The following CELSR3 variants were observed in gnomAD, a reference collection of about 807,000 sequenced individuals.
CELSR3 encodes the protein EGF-like protein 1.
Under a neutral mutation model 270.0 loss-of-function variants are expected in CELSR3, and 73 were observed. The observed-to-expected ratio is 0.27, with a 90% CI of 0.22 to 0.33. The LOEUF (loss-of-function observed/expected upper bound fraction) is 0.33, where lower values mean the gene tolerates loss of function less well. Ranked by LOEUF, CELSR3 falls within the 10% of genes least tolerant of loss-of-function variation. The pLI is 1.00. For synonymous variants in CELSR3, 1,780 were observed against 1,905.4 expected, an observed-to-expected ratio of 0.93 and a Z score of 1.71; for missense variants, 3,614 against 4,533.8, an observed-to-expected ratio of 0.80 and a Z score of 5.83.
At chr3:48,648,114 G>C (rs2047103916) in intron 19 of CELSR3, 118 bp from the exon 20 acceptor site, 6 of 1,454,838 alleles carry the variant, frequency 4.1e-6, no homozygotes, top group Non-Finnish European at 4.7e-6. Flanking sequence ...TGTGCTACCA[G>C]CTCGGAGCCT....
In CELSR3 at chr3:48,650,274, C is replaced by G. The variant is rs540312583; in HGVS notation, c.6472+206G>C. ...CACCTGAGCAAACACGTACCCCTTA[C>G]CTGCACCCCGCAATCCTGCCCAGAA... On this transcript the variant is annotated intron_variant, in intron 16 of 34. Transcript: ENST00000164024. The surrounding 1 kb of genome is among the most constrained non-coding windows in gnomAD (Gnocchi z 5.1). 2 of 677,372 alleles carry G rather than the reference C, an allele frequency of 3.0e-6. No individual in the cohort carries two copies. Among genetic ancestry groups the G allele is most frequent in the South Asian group, 3.0e-5 (2 of 66,536 alleles). The allele number at this position is 677,372 out of a possible 1,614,324, so 42.0% of individuals were successfully genotyped here.
rs1164778438 is a variant in CELSR3, at chr3:48,644,952, G to A, written c.7972+83C>T. 1.5e-5 allele frequency: 23 copies of A among 1,535,920 alleles called. No homozygotes were observed. The East Asian group carries it at 5.2e-4, about 35-fold the overall frequency. On this transcript the variant is annotated intron_variant, in intron 25 of 34. Transcript: ENST00000164024. This position sits in a 1 kb window ranked among gnomAD's most constrained non-coding sequence, Gnocchi z 4.8. ...CATGAATAGATGGCTTGGGGTTTGA[G>A]GTTGGGGGTCATGAGCAGGAGTGGG...
chr3:48,639,966 C>T lies in CELSR3; in HGVS notation c.9619G>A (p.Val3207Met), dbSNP rs1268238348. Residue 3207 changes from valine (V) to methionine (M), a missense_variant, in exon 34 of 35, where the codon GTG (valine) becomes ATG (methionine). By Grantham distance (21) the Val-to-Met change is conservative. Around this residue, in one of 7 missense-constraint regions of CELSR3, gnomAD observed 1,240 missense variants for 1,351.7 expected, o/e 0.92. Transcript: ENST00000164024. This position sits in a 1 kb window ranked among gnomAD's most constrained non-coding sequence, Gnocchi z 4.1. ...SSNSREQLDQ[V>M]PSRHPSREAL... The stretch of plus-strand genomic sequence containing the variant: ...TCTCGTGAGGGGTGCCGGCTAGGCA[C>T]CTGGTCCAGCTGCTCCCGAGAGTTC... 7 of 1,612,722 alleles carry T rather than the reference C, an allele frequency of 4.3e-6. No homozygotes were observed. Among genetic ancestry groups the T allele is most frequent in the African/African-American group, 1.3e-5 (1 of 74,936 alleles).
rs752264010 is a variant in CELSR3 at position 48,655,800 on chromosome 3, G to A, written c.4677C>T (p.Asn1559=). 1.9e-5 allele frequency: 30 copies of A among 1,562,770 alleles called. No homozygotes were observed. In the East Asian group the frequency reaches 4.6e-4, roughly 24 times the overall value. ...CCAGGGCCAGGAAGTCGTGCTTCTC[G>A]TTCAGGCGCCCGTTGTAGAAGAGCA... ...SGLLFYNGRL[N]EKHDFLALEL... Residue 1559 remains asparagine, a synonymous_variant, in exon 4 of 35, where the codon AAC becomes AAT. Coordinates refer to ENST00000164024, the MANE Select transcript of CELSR3 (RefSeq NM_001407.3). This position sits in a 1 kb window ranked among gnomAD's most constrained non-coding sequence, Gnocchi z 5.8.
Position 48,653,172 on chromosome 3 carries a change from G to A in CELSR3, c.5464C>T (p.Leu1822=), listed in dbSNP as rs748999417. 1 of 1,613,282 alleles carries A rather than the reference G, an allele frequency of 6.2e-7. No individual in the cohort carries two copies. The highest frequency in any genetic ancestry group is 8.5e-7 in the Non-Finnish European group (1 of 1,179,990). Residue 1822 remains leucine, a synonymous_variant, in exon 10 of 35, where the codon CTG becomes TTG. Coordinates refer to ENST00000164024, the MANE Select transcript of CELSR3 (RefSeq NM_001407.3). This position sits in a 1 kb window ranked among gnomAD's most constrained non-coding sequence, Gnocchi z 6.5. ...GAGCCCCTGGTCACTGTCACAGACAGTAACCCCCGATCTAGCTGTGGGCAG... is the reference window on the plus strand; with the variant it reads ...GAGCCCCTGGTCACTGTCACAGACAATAACCCCCGATCTAGCTGTGGGCAG... ...TLLCQLDRGL[L]SVTVTRGSGR...
In CELSR3 at chr3:48,648,869, A is replaced by G. The variant is rs769474634; in HGVS notation, c.6627T>C (p.Ala2209=). 5 of 1,612,892 alleles carry G rather than the reference A, an allele frequency of 3.1e-6. No individual in the cohort carries two copies. The highest frequency in any genetic ancestry group is 4.2e-6 in the Non-Finnish European group (5 of 1,180,014). The part of the protein sequence containing the change: ...ALDTMEAKKL[A]QRLREVTGHT... The stretch of plus-strand genomic sequence containing the variant: ...GGCCAGTCACCTCCCGTAGCCGCTG[A>G]GCCAGCTTCTTGGCCTCCATGGTAT... The change falls in exon 18 of 35, where the codon GCT becomes GCC. Residue 2209 remains alanine, a synonymous_variant. Transcript: ENST00000164024.
chr3:48,641,873 C>G lies in CELSR3; in HGVS notation c.8802G>C (p.Glu2934Asp). 6.7e-7 allele frequency: 1 copy of G among 1,498,982 alleles called. No individual in the cohort carries two copies. The highest frequency in any genetic ancestry group is 1.4e-5 in the South Asian group (1 of 73,784). The allele number at this position is 1,498,982 out of a possible 1,614,324, so 92.9% of individuals were successfully genotyped here. ...CACCTTTGGGGTGGGTGAGGAGCCT[C>G]TCACTCTGGGCTGCTCGGCAGAGTG... ...QRPLCRAAQS[E>D]RLLTHPKDVD... The change falls in exon 32 of 35, where the codon GAG becomes GAC. Residue 2934 changes from glutamate to aspartate, a missense_variant. Physicochemically the swap from Glu to Asp is conservative, Grantham distance 45. This residue lies in a region of CELSR3 where 1,240 missense variants were observed against 1,351.7 expected (regional missense o/e 0.92). Transcript: ENST00000164024. This position sits in a 1 kb window ranked among gnomAD's most constrained non-coding sequence, Gnocchi z 4.8.
chr3:48,648,637 C>A, intron 18 of CELSR3, 82 bp downstream of exon 18: 21 of 1,498,898 alleles, frequency 1.4e-5, no homozygotes, highest in Non-Finnish European at 1.7e-5. Context: ...AAGAGAACAG[C>A]AGGAGCCTGA....
chr3:48,646,948 A>C lies in CELSR3; in HGVS notation c.7130-20T>G. 4.0e-6 allele frequency: 6 copies of C among 1,499,724 alleles called. No homozygotes were observed. Among genetic ancestry groups the C allele is most frequent in the Non-Finnish European group, 4.4e-6 (5 of 1,127,688 alleles). 92.9% of individuals were successfully genotyped at this position (1,499,724 alleles called of 1,614,324 possible). A position where few individuals can be genotyped will look rare whatever the true frequency, so the allele number is the denominator to read the frequency against. ...GCAGAACTGCCAGGAGAGAAGGAGG[A>C]GCTTCTGTCAGTGACCTTTGACCCA... On this transcript the variant is annotated intron_variant, in intron 20 of 34. Transcript: ENST00000164024. This position sits in a 1 kb window ranked among gnomAD's most constrained non-coding sequence, Gnocchi z 4.8.
In CELSR3 at chr3:48,646,635, G is replaced by A. The variant is rs374335005; in HGVS notation, c.7295+128C>T. On this transcript the variant is annotated intron_variant, in intron 21 of 34. Coordinates refer to ENST00000164024, the MANE Select transcript of CELSR3 (RefSeq NM_001407.3). This position sits in a 1 kb window ranked among gnomAD's most constrained non-coding sequence, Gnocchi z 4.8. The stretch of plus-strand genomic sequence containing the variant: ...AGAGAATAAGATTCACACAGAACCC[G>A]GCAAGGATGGGGCTCCCTGGAGCTG... The A allele has an allele frequency of 4.0e-5, 39 of 972,172 alleles. 1 individual carries two copies. Among genetic ancestry groups the A allele is most frequent in the South Asian group, 6.8e-5 (4 of 59,122 alleles). The allele number at this position is 972,172 out of a possible 1,614,324, so 60.2% of individuals were successfully genotyped here.
Position 48,642,567 on chromosome 3 carries a change from G to A in CELSR3, c.8556-100C>T. 7.0e-7 allele frequency: 1 copy of A among 1,435,610 alleles called. No individual in the cohort carries two copies. Among genetic ancestry groups the A allele is most frequent in the Non-Finnish European group, 9.5e-7 (1 of 1,056,628 alleles). The allele number at this position is 1,435,610 out of a possible 1,614,324, so 88.9% of individuals were successfully genotyped here. On this transcript the variant is annotated intron_variant, in intron 30 of 34. Coordinates refer to ENST00000164024, the MANE Select transcript of CELSR3 (RefSeq NM_001407.3). This position sits in a 1 kb window ranked among gnomAD's most constrained non-coding sequence, Gnocchi z 6.1. Reference sequence around the variant, plus strand: ...TGCACAGCCAGCTGCGGGTGGAATGGCATCCCTGGGTGTGTGTGGTGGGAA... The same window carrying A: ...TGCACAGCCAGCTGCGGGTGGAATGACATCCCTGGGTGTGTGTGGTGGGAA...
In CELSR3 at chr3:48,645,746, C is replaced by A; in HGVS notation, c.7586G>T (p.Arg2529Leu). 3 of 1,608,624 alleles carry A rather than the reference C, an allele frequency of 1.9e-6. No homozygotes were observed. The highest frequency in any genetic ancestry group is 2.5e-6 in the Non-Finnish European group (3 of 1,176,640). The change falls in exon 23 of 35, where the codon CGT (arginine) becomes CTT (leucine). Residue 2529 changes from arginine (R) to leucine (L), a missense_variant. Arg to Leu is a moderately radical substitution (Grantham distance 102, BLOSUM62 -2). Coordinates refer to ENST00000164024, the MANE Select transcript of CELSR3 (RefSeq NM_001407.3). This position sits in a 1 kb window ranked among gnomAD's most constrained non-coding sequence, Gnocchi z 5.4. ...TFGVLMDASP[R>L]ERLEGDLELL... Reference sequence around the variant, plus strand: ...GGACACTGAACACAGCCCCACCTCACGGGGAGAGGCATCCATGAGGACCCC... The same window carrying A: ...GGACACTGAACACAGCCCCACCTCAAGGGGAGAGGCATCCATGAGGACCCC...
chr3:48,638,195 C>T lies in CELSR3; in HGVS notation c.*10G>A, dbSNP rs764653747. 9.3e-6 allele frequency: 15 copies of T among 1,611,654 alleles called. No individual in the cohort carries two copies. In the East Asian group the frequency reaches 2.2e-4, roughly 24 times the overall value. On this transcript the variant is annotated 3_prime_UTR_variant, in exon 35 of 35. Coordinates refer to ENST00000164024, the MANE Select transcript of CELSR3 (RefSeq NM_001407.3). ...GCCCTCAGCTGTTCCTCGTCCACGCCGTCATCCCCTCAGGAGTGACCCTCA... is the reference window on the plus strand; with the variant it reads ...GCCCTCAGCTGTTCCTCGTCCACGCTGTCATCCCCTCAGGAGTGACCCTCA...
At chr3:48,656,458 A>G (rs2077023126) in intron 2 of CELSR3, 93 bp from the exon 3 acceptor site, 1 of 1,239,746 alleles carries the variant, frequency 8.1e-7, no homozygotes, top group Non-Finnish European at 1.1e-6. Flanking sequence ...CCGGGTGCCA[A>G]GACCCCCGAA....
Position 48,639,895 on chromosome 3 carries a change from C to G in CELSR3, c.9690G>C (p.Ser3230=), listed in dbSNP as rs565570555. 2.5e-6 allele frequency: 4 copies of G among 1,613,234 alleles called. No individual in the cohort carries two copies. Among genetic ancestry groups the G allele is most frequent in the Non-Finnish European group, 3.4e-6 (4 of 1,180,002 alleles). The part of the protein sequence containing the change: ...LPQLLRARED[S]VSGPSHGPST... ...AGGGGCCATGGCTGGGGCCACTGACCGAGTCCTCCCTAGCTCTGAGCAGCT... is the reference window on the plus strand; with the variant it reads ...AGGGGCCATGGCTGGGGCCACTGACGGAGTCCTCCCTAGCTCTGAGCAGCT... The change falls in exon 34 of 35, where the codon TCG becomes TCC. Residue 3230 remains serine, a synonymous_variant. Coordinates refer to ENST00000164024, the MANE Select transcript of CELSR3 (RefSeq NM_001407.3). This position sits in a 1 kb window ranked among gnomAD's most constrained non-coding sequence, Gnocchi z 4.1.
At position 48,654,189 on chromosome 3, in the gene CELSR3, A is replaced by G. The variant is rs570175513; in HGVS notation, c.5152+100T>C. 402 of 1,543,550 alleles carry G rather than the reference A, an allele frequency of 2.6e-4. 2 individuals carry two copies. In the South Asian group the frequency reaches 4.2e-3, roughly 16 times the overall value. ...TCTGGGCTGTAGCATGGTGCTTGCC[A>G]CCAAAGGAGACTGGCTTGAAGTCAG... On this transcript the variant is annotated intron_variant, in intron 7 of 34. Transcript: ENST00000164024. The surrounding 1 kb of genome is among the most constrained non-coding windows in gnomAD (Gnocchi z 5.4).
In CELSR3 at chr3:48,651,090, G is replaced by T. The variant is rs780963631; in HGVS notation, c.6187-15C>A. 2.0e-5 allele frequency: 31 copies of T among 1,547,856 alleles called. No homozygotes were observed. In the South Asian group the frequency reaches 3.9e-4, roughly 19 times the overall value. On this transcript the variant is annotated splice_polypyrimidine_tract_variant and intron_variant, in intron 14 of 34. Transcript: ENST00000164024. The surrounding 1 kb of genome is among the most constrained non-coding windows in gnomAD (Gnocchi z 7.4). ...TAGTGGAACTCCTGTTTGAGGATGG[G>T]CCAGGGGCCTGAAGTCAGAGGTCAG...
At chr3:48,656,068 A>G in intron 3 of CELSR3, 72 bp downstream of exon 3, 1 of 1,255,750 alleles carries the variant, frequency 8.0e-7, no homozygotes, top group Non-Finnish European at 1.1e-6. Context: ...AGGACGGGGC[A>G]GTCAGGAATC....
At position 48,661,431 on chromosome 3, in the gene CELSR3, G is replaced by C. The variant is rs772121756; in HGVS notation, c.1204C>G (p.Arg402Gly). Reference sequence around the variant, plus strand: ...GACCCGTGGTCCTGCGCGGTCACACGCAGGTAGTGACGCTCCATGCTCTCG... The same window carrying C: ...GACCCGTGGTCCTGCGCGGTCACACCCAGGTAGTGACGCTCCATGCTCTCG... ...DRESMERHYL[R>G]VTAQDHGSPR... Residue 402 changes from arginine (R) to glycine (G), a missense_variant, in exon 1 of 35, where the codon CGT becomes GGT. By Grantham distance (125) the Arg-to-Gly change is moderately radical. Coordinates refer to ENST00000164024, the MANE Select transcript of CELSR3 (RefSeq NM_001407.3). 6.2e-7 allele frequency: 1 copy of C among 1,611,586 alleles called. No homozygotes were observed. Among genetic ancestry groups the C allele is most frequent in the East Asian group, 2.2e-5 (1 of 44,836 alleles).
Sources: allele counts gnomAD v4.1 joint callset, GRCh38; gene constraint gnomAD v4.1.1; regional missense constraint gnomAD v4.1.1; non-coding constraint Gnocchi (gnomAD v3.1); transcripts MANE v1.5; gene names NCBI Gene and HGNC (gene_info 2026-07-23, HGNC 2026-07-21).